The following GRXCR2 variants were observed in gnomAD, a reference collection of about 807,000 sequenced individuals.
The protein encoded by GRXCR2 is glutaredoxin and cysteine rich domain containing 2.
A neutral mutation model predicts 24.8 loss-of-function variants in GRXCR2; 23 were observed. That is an observed-to-expected ratio of 0.93 (90% confidence interval 0.67 to 1.32). The LOEUF is 1.32. Ranked by LOEUF, GRXCR2 falls within the 40% of genes most tolerant of loss-of-function variation. The probability of loss-of-function intolerance (pLI) is 0.00; values close to 1 mark genes in which losing one functional copy is unlikely to be tolerated. For missense variants in GRXCR2, 315 were observed against 303.4 expected (o/e 1.04, Z -0.28); for synonymous variants, 130 against 116.1 (o/e 1.12, Z -0.77).
chr5:145,892,843 A>G (rs183416357), intron 2 of GRXCR2, among the ~76,000 whole-genome samples: 15 of 152,332 alleles, frequency 9.8e-5, no homozygotes, highest in Admixed American at 7.8e-4. Context: ...GATTCACCGA[A>G]GTTAAAATGA....
intron 2 of GRXCR2, among the ~76,000 whole-genome samples, chr5:145,912,205 G>A (rs769468028): frequency 6.6e-6 from 1 of 152,172 alleles, no homozygotes. Flanking sequence ...GCGGACAAAG[G>A]TCATAATATC....
At chr5:145,889,228 G>GAAAGAAAT (rs1756826711) in intron 2 of GRXCR2, among the ~76,000 whole-genome samples, 2 of 150,446 alleles carry the variant, frequency 1.3e-5, no homozygotes, top group African/African-American at 4.9e-5. Context: ...AAGAAAGAAA[G>GAAAGAAAT]AAAGAAAGAA....
At chr5:145,887,975 T>C (rs554143703) in intron 2 of GRXCR2, among the ~76,000 whole-genome samples, 3 of 152,254 alleles carry the variant, frequency 2.0e-5, no homozygotes, top group Non-Finnish European at 4.4e-5. Context: ...CTTTTATTTC[T>C]CTTTATATTA....
At chr5:145,873,980 T>C (rs1160393565), upstream of GRXCR2, among the ~76,000 whole-genome samples, 1 of 152,114 alleles carries the variant, frequency 6.6e-6, no homozygotes, top group Non-Finnish European at 1.5e-5. Flanking sequence ...ATAGCCACTC[T>C]GGGAAGGAAG....
intron 2 of GRXCR2, among the ~76,000 whole-genome samples, chr5:145,864,745 C>G (rs1182032793): frequency 6.6e-6 from 1 of 152,160 alleles, no homozygotes; most frequent in Non-Finnish European, 1.5e-5. Flanking sequence ...TCAATTAAAC[C>G]TCCTTTGTTT....
intron 2 of GRXCR2, among the ~76,000 whole-genome samples, chr5:145,879,199 A>G (rs537916068): frequency 3.3e-5 from 5 of 152,292 alleles, no homozygotes; most frequent in African/African-American, 1.2e-4. Flanking sequence ...AACAATATCA[A>G]CCTTAAATGT....
At chr5:145,872,066 C>A (rs1756539321) in intron 1 of GRXCR2, among the ~76,000 whole-genome samples, 1 of 152,194 alleles carries the variant, frequency 6.6e-6, no homozygotes, top group Non-Finnish European at 1.5e-5. Context: ...CCTCACATAA[C>A]ATATCCTCTG....
At chr5:145,924,940 G>GAGA (rs760552607) in intron 2 of GRXCR2, among the ~76,000 whole-genome samples, 1 of 152,190 alleles carries the variant, frequency 6.6e-6, no homozygotes, top group Non-Finnish European at 1.5e-5. Flanking sequence ...GCTTCAGGAA[G>GAGA]AGAAGCCAGC....
downstream of GRXCR2, among the ~76,000 whole-genome samples, chr5:145,857,682 G>A (rs77197193): frequency 6.6e-6 from 1 of 152,100 alleles, no homozygotes; most frequent in Non-Finnish European, 1.5e-5. Flanking sequence ...ATCATTAGTA[G>A]GTTATTTATT....
intron 2 of GRXCR2, among the ~76,000 whole-genome samples, chr5:145,890,212 C>T (rs1008198509): frequency 3.3e-5 from 5 of 152,182 alleles, no homozygotes; most frequent in African/African-American, 9.7e-5. Context: ...CCCTCAACCT[C>T]CTGAATACCT....
intron 2 of GRXCR2, among the ~76,000 whole-genome samples, chr5:145,883,704 G>T (rs1217345327): frequency 6.6e-6 from 1 of 152,114 alleles, no homozygotes; most frequent in Non-Finnish European, 1.5e-5. Context: ...ACCAGCCTGG[G>T]CAAGTTGGTA....
In GRXCR2 at chr5:145,924,806, A is replaced by T. The variant is rs374997412; in HGVS notation, c.-70+10895T>A. Reference sequence around the variant, plus strand: ...TAATTGTTATTATTTATTCTAGCACAGTAGCCAATCCCACCCCCTCTTAAA... The same window carrying T: ...TAATTGTTATTATTTATTCTAGCACTGTAGCCAATCCCACCCCCTCTTAAA... On this transcript the variant is annotated intron_variant, in intron 2 of 3. Coordinates refer to the GRXCR2 transcript ENST00000639411. Among the ~76,000 whole-genome samples the T allele has an allele frequency of 5.8e-4, 88 of 152,304 alleles. 3 individuals carry two copies. In the South Asian group the frequency reaches 0.017, roughly 29 times the overall value.
intron 2 of GRXCR2, among the ~76,000 whole-genome samples, chr5:145,861,768 G>C (rs182675066): frequency 6.6e-6 from 1 of 152,204 alleles, no homozygotes; most frequent in Admixed American, 6.5e-5. Flanking sequence ...AGTCCGCTGG[G>C]TAGCTCTGCC....
chr5:145,925,892 TAA>T (rs1339360790), intron 2 of GRXCR2, among the ~76,000 whole-genome samples: 1 of 151,984 alleles, frequency 6.6e-6, no homozygotes, highest in East Asian at 1.9e-4. Context: ...GGCCTACTCA[TAA>T]AAAGAGACAT....
Position 145,872,831 on chromosome 5 carries a change from C to T in GRXCR2, c.138G>A (p.Lys46=). The stretch of plus-strand genomic sequence containing the variant: ...GCAGAAAACTGTGAGGGTATTCCTC[C>T]TTTGGTGACTCTAATTCCTGCCCAT... ...FEDGQELESP[K]EEYPHSFLQE... The change falls in exon 1 of 3, where the codon AAG becomes AAA. Residue 46 remains lysine, a synonymous_variant. Coordinates refer to ENST00000377976, the MANE Select transcript of GRXCR2 (RefSeq NM_001080516.2). 6.2e-7 allele frequency: 1 copy of T among 1,614,172 alleles called. No homozygotes were observed. Among genetic ancestry groups the T allele is most frequent in the Non-Finnish European group, 8.5e-7 (1 of 1,180,014 alleles).
chr5:145,918,533 A>T (rs1422704204), intron 2 of GRXCR2, among the ~76,000 whole-genome samples: 1 of 152,236 alleles, frequency 6.6e-6, no homozygotes, highest in Non-Finnish European at 1.5e-5. Flanking sequence ...GAGACTGCCC[A>T]GTCCTGTGGG....
chr5:145,859,934 G>T lies in GRXCR2; in HGVS notation c.565-19C>A. ...CCCCTTCCTGCAAGAGACAGGTTAGGGTTTAGTTAAAGCAGCAGTTCAAGT... is the reference window on the plus strand; with the variant it reads ...CCCCTTCCTGCAAGAGACAGGTTAGTGTTTAGTTAAAGCAGCAGTTCAAGT... On this transcript the variant is annotated intron_variant, in intron 2 of 2. Coordinates refer to ENST00000377976, the MANE Select transcript of GRXCR2 (RefSeq NM_001080516.2). The T allele has an allele frequency of 1.3e-6, 2 of 1,539,528 alleles. No homozygotes were observed. Among genetic ancestry groups the T allele is most frequent in the East Asian group, 2.3e-5 (1 of 43,800 alleles).
intron 2 of GRXCR2, among the ~76,000 whole-genome samples, chr5:145,862,727 T>G (rs868867336): frequency 2.6e-5 from 4 of 152,160 alleles, no homozygotes; most frequent in African/African-American, 7.2e-5. Flanking sequence ...ATAATAGGGT[T>G]ATTATGGTCA....
intron 2 of GRXCR2, among the ~76,000 whole-genome samples, chr5:145,902,747 T>C (rs1158446689): frequency 2.0e-5 from 3 of 152,210 alleles, no homozygotes; most frequent in Non-Finnish European, 4.4e-5. Flanking sequence ...ACAGCAAACA[T>C]TTTTGAGCAT....
Sources: gnomAD v4.1 joint callset for allele counts (sites outside exome capture counted in the v4.1 genomes callset) on GRCh38, gnomAD v4.1.1 for gene constraint, MANE v1.5 for transcripts, NCBI Gene and HGNC (gene_info 2026-07-23, HGNC 2026-07-21) for gene names.